Variants in CYRIB observed in about 807,000 individuals in gnomAD.
The protein encoded by CYRIB is CYFIP-related Rac1 interactor B.
Under a neutral mutation model 44.2 loss-of-function variants are expected in CYRIB, and 8 were observed. The ratio of observed to expected loss-of-function variants is 0.18; its 90% CI spans 0.11 to 0.33. CYRIB has a LOEUF of 0.33. Among genes scored for constraint, CYRIB ranks in the 10% least tolerant of loss-of-function variants. The pLI is 1.00. For missense variants in CYRIB, 185 were observed against 382.8 expected (o/e 0.48, Z 4.31); for synonymous variants, 131 against 127.2 (o/e 1.03, Z -0.20).
chr8:129,870,688 C>T (rs1292219125), intron 4 of CYRIB, among the ~76,000 whole-genome samples: 1 of 152,084 alleles, frequency 6.6e-6, no homozygotes, highest in Non-Finnish European at 1.5e-5. Context: ...AGAAACACAG[C>T]ACGGGCAATG....
At chr8:129,872,998 T>C (rs979853354) in intron 3 of CYRIB, among the ~76,000 whole-genome samples, 5 of 152,026 alleles carry the variant, frequency 3.3e-5, no homozygotes, top group Non-Finnish European at 5.9e-5. Flanking sequence ...AATTCAATTC[T>C]ACCTAATAAA....
chr8:129,864,626 C>G (rs1211345951), intron 4 of CYRIB: 2 of 194,604 alleles, frequency 1.0e-5, no homozygotes, highest in Non-Finnish European at 2.1e-5. Flanking sequence ...CTAGGCCACA[C>G]AAGGTTATGT....
intron 1 of CYRIB, chr8:129,912,648 A>G (rs1404137374): frequency 1.3e-5 from 2 of 152,074 alleles, no homozygotes; most frequent in Admixed American, 6.6e-5. Flanking sequence ...GGTTTTTTAA[A>G]TTTGCCTTTA....
intron 1 of CYRIB, among the ~76,000 whole-genome samples, chr8:129,913,770 GGTTATTAT>G (rs2079285636): frequency 6.6e-6 from 1 of 151,812 alleles, no homozygotes; most frequent in Non-Finnish European, 1.5e-5. Context: ...CACCTAATTG[GGTTATTAT>G]GAAGATTAAA....
At chr8:129,960,011 T>C (rs1220946680) in intron 2 of CYRIB, among the ~76,000 whole-genome samples, 2 of 152,310 alleles carry the variant, frequency 1.3e-5, no homozygotes, top group East Asian at 1.9e-4. Flanking sequence ...CCCTGACCTA[T>C]CCTACCTCTA....
chr8:129,943,553 C>T (rs1490234625), upstream of CYRIB, among the ~76,000 whole-genome samples: 1 of 151,032 alleles, frequency 6.6e-6, no homozygotes, highest in Non-Finnish European at 1.5e-5. Context: ...CAAGATTGCA[C>T]CACTGCACTC....
Position 129,935,502 on chromosome 8 carries a change from G to A in CYRIB, c.-50+4106C>T, listed in dbSNP as rs1435197312. On this transcript the variant is annotated intron_variant, in intron 1 of 11. Transcript: ENST00000519824. The stretch of plus-strand genomic sequence containing the variant: ...ACTATGAGAATCTAATGCTATCTCC[G>A]CTGATCTAACAGGAGGCAGACCTCA... 3.3e-5 allele frequency among the ~76,000 whole-genome samples: 5 copies of A among 152,150 alleles called. No individual in the cohort carries two copies. The East Asian group carries it at 5.8e-4, about 18-fold the overall frequency.
intron 1 of CYRIB, among the ~76,000 whole-genome samples, chr8:129,975,455 T>C (rs2095876755): frequency 6.6e-6 from 1 of 152,234 alleles, no homozygotes; most frequent in African/African-American, 2.4e-5. Context: ...TTAAAACACA[T>C]TACCTTTAGT....
At chr8:129,947,446 A>C (rs1200320319) in intron 2 of CYRIB, among the ~76,000 whole-genome samples, 1 of 152,170 alleles carries the variant, frequency 6.6e-6, no homozygotes, top group Non-Finnish European at 1.5e-5. Flanking sequence ...CTCTTGTTAC[A>C]ATGTCAGCTG....
intron 4 of CYRIB, among the ~76,000 whole-genome samples, chr8:129,863,354 G>A (rs1350497104): frequency 4.0e-5 from 6 of 151,852 alleles, no homozygotes; most frequent in Admixed American, 2.6e-4. Flanking sequence ...GTGAAACCCC[G>A]TCTCTACCAA....
chr8:129,868,406 G>C (rs937414463), intron 4 of CYRIB, among the ~76,000 whole-genome samples: 8 of 152,132 alleles, frequency 5.3e-5, no homozygotes, highest in African/African-American at 1.9e-4. Flanking sequence ...ACCTTTATAA[G>C]TTGTTTCAAG....
chr8:129,949,907 A>G (rs1389603895), intron 2 of CYRIB, among the ~76,000 whole-genome samples: 5 of 152,112 alleles, frequency 3.3e-5, no homozygotes, highest in African/African-American at 1.2e-4. Flanking sequence ...CATCTATAAA[A>G]CAGCCACAAT....
chr8:129,912,840 T>C (rs2078734779), intron 1 of CYRIB, among the ~76,000 whole-genome samples: 1 of 152,144 alleles, frequency 6.6e-6, no homozygotes. Context: ...CTGTGTGTCA[T>C]GTTTACGGTG....
At chr8:129,849,210 G>C in intron 10 of CYRIB, 33 bp downstream of exon 12, 1 of 1,545,020 alleles carries the variant, frequency 6.5e-7, no homozygotes, top group Non-Finnish European at 8.7e-7. Flanking sequence ...GGAGAAACTC[G>C]TTTGAAATTA....
At chr8:129,900,742 C>T (rs1032931877) in intron 2 of CYRIB, among the ~76,000 whole-genome samples, 2 of 151,688 alleles carry the variant, frequency 1.3e-5, no homozygotes, top group East Asian at 1.9e-4. Context: ...TGCAGTGACA[C>T]GATCTAAGCT....
At chr8:129,900,321 C>A (rs1200069695) in intron 2 of CYRIB, among the ~76,000 whole-genome samples, 1 of 152,146 alleles carries the variant, frequency 6.6e-6, no homozygotes, top group East Asian at 1.9e-4. Flanking sequence ...ACAAAGGAAA[C>A]AAAAACGAAA....
In CYRIB at chr8:129,887,242, A is replaced by G. The variant is rs556147603; in HGVS notation, c.-10-7771T>C. 4.7e-4 allele frequency among the ~76,000 whole-genome samples: 71 copies of G among 152,130 alleles called. No individual in the cohort carries two copies. The South Asian group carries it at 0.01, about 22-fold the overall frequency. ...CTCCAGCTCCAGCCACGGCTAAAAC[A>G]GTCCTAGATTATGTCTCAAGCTGCT... On this transcript the variant is annotated intron_variant, in intron 2 of 11. Coordinates refer to ENST00000519824, the Ensembl canonical transcript of CYRIB.
intron 1 of CYRIB, among the ~76,000 whole-genome samples, chr8:129,923,298 G>A (rs1303130943): frequency 1.3e-5 from 2 of 151,610 alleles, no homozygotes; most frequent in African/African-American, 4.8e-5. Context: ...GTTTGAGATA[G>A]AGTTTCGCTC....
intron 2 of CYRIB, among the ~76,000 whole-genome samples, chr8:129,953,636 G>A (rs991966322): frequency 2.0e-5 from 3 of 152,162 alleles, no homozygotes; most frequent in South Asian, 4.1e-4. Flanking sequence ...GTGAGAGCAC[G>A]GAGCCTGGCA....
Sources: gnomAD v4.1 joint callset for allele counts (sites outside exome capture counted in the v4.1 genomes callset) on GRCh38, gnomAD v4.1.1 for gene constraint, MANE v1.5 for transcripts, NCBI Gene and HGNC (gene_info 2026-07-23, HGNC 2026-07-21) for gene names.